The following PPP1R9A variants were observed in gnomAD, a reference collection of about 807,000 sequenced individuals.
PPP1R9A encodes the protein protein phosphatase 1 regulatory subunit 9A.
In PPP1R9A, 59 loss-of-function variants were observed where a neutral mutation model predicts 141.9. The ratio of observed to expected loss-of-function variants is 0.42; its 90% CI spans 0.34 to 0.52. PPP1R9A has a LOEUF of 0.52. Ranked by LOEUF, PPP1R9A falls within the 20% of genes least tolerant of loss-of-function variation. The pLI is 0.10. For synonymous variants in PPP1R9A, 500 were observed against 569.7 expected, an observed-to-expected ratio of 0.88 and a Z score of 1.74; for missense variants, 1,444 against 1,611.9, an observed-to-expected ratio of 0.90 and a Z score of 1.78.
intron 8 of PPP1R9A, among the ~76,000 whole-genome samples, chr7:95,245,054 A>G (rs577072199): frequency 2.6e-5 from 4 of 152,312 alleles, no homozygotes; most frequent in Middle Eastern, 3.4e-3. Flanking sequence ...AACAAGAAGT[A>G]TATCTTGTCA....
At chr7:95,112,930 G>T (rs772573311) in intron 3 of PPP1R9A, among the ~76,000 whole-genome samples, 1 of 152,070 alleles carries the variant, frequency 6.6e-6, no homozygotes, top group Non-Finnish European at 1.5e-5. Flanking sequence ...AAAAGTTTAC[G>T]AGGGTGGGAG....
At chr7:95,103,100 ACATTAGTT>A (rs1819003720) in intron 2 of PPP1R9A, among the ~76,000 whole-genome samples, 1 of 152,154 alleles carries the variant, frequency 6.6e-6, no homozygotes, top group African/African-American at 2.4e-5. Context: ...TTGAACTGCA[ACATTAGTT>A]CTTTCCTGGG....
chr7:95,284,787 T>C (rs983944005), intron 17 of PPP1R9A, among the ~76,000 whole-genome samples: 3 of 152,210 alleles, frequency 2.0e-5, no homozygotes, highest in Admixed American at 2.0e-4. Flanking sequence ...TTAGGAAATA[T>C]ATGCATGGGT....
At chr7:95,168,322 G>A (rs1372414010) in intron 5 of PPP1R9A, among the ~76,000 whole-genome samples, 1 of 151,930 alleles carries the variant, frequency 6.6e-6, no homozygotes, top group Non-Finnish European at 1.5e-5. Flanking sequence ...AATCATGCTG[G>A]GAAAATTGCT....
chr7:95,025,076 C>CTT (rs879530822), intron 2 of PPP1R9A, among the ~76,000 whole-genome samples: 1 of 145,028 alleles, frequency 6.9e-6, no homozygotes, highest in African/African-American at 2.5e-5. Flanking sequence ...GTTGAAAATC[C>CTT]TTTTTTTTTT....
At chr7:94,939,725 C>T (rs1196330398) in intron 2 of PPP1R9A, among the ~76,000 whole-genome samples, 1 of 151,310 alleles carries the variant, frequency 6.6e-6, no homozygotes, top group East Asian at 1.9e-4. Context: ...TACCATGTGT[C>T]CCATCCCAGA....
chr7:95,016,504 A>T (rs1263071475), intron 2 of PPP1R9A, among the ~76,000 whole-genome samples: 6 of 152,150 alleles, frequency 3.9e-5, no homozygotes, highest in Non-Finnish European at 5.9e-5. Flanking sequence ...ATATAAAAGG[A>T]TAATACATGC....
At chr7:95,172,156 T>G (rs1405045219) in intron 5 of PPP1R9A, among the ~76,000 whole-genome samples, 1 of 151,658 alleles carries the variant, frequency 6.6e-6, no homozygotes, top group Non-Finnish European at 1.5e-5. Flanking sequence ...TTCTTAATGG[T>G]GAAAGACCTA....
Position 94,994,546 on chromosome 7 carries a change from G to A in PPP1R9A, c.1395+83038G>A, listed in dbSNP as rs111309335. On this transcript the variant is annotated intron_variant, in intron 2 of 19. Coordinates refer to ENST00000433360, the MANE Select transcript of PPP1R9A (RefSeq NM_001166160.2). ...TTTGTTAAATAGAGAGTTTTTATTA[G>A]GAATAATGTTAGATTTTTAAGTTAT... is the stretch of plus-strand genomic sequence containing the variant. 7.2e-3 allele frequency among the ~76,000 whole-genome samples: 1,093 copies of A among 152,140 alleles called. 10 individuals are homozygous for A. Among genetic ancestry groups the A allele is most frequent in the African/African-American group, 0.025 (1,028 of 41,504 alleles).
intron 2 of PPP1R9A, among the ~76,000 whole-genome samples, chr7:95,041,117 G>A (rs529348576): frequency 1.2e-3 from 177 of 152,276 alleles, no homozygotes; most frequent in Middle Eastern, 3.4e-3. Context: ...AAGGAAGAAC[G>A]TGAACATTTG....
intron 2 of PPP1R9A, among the ~76,000 whole-genome samples, chr7:95,065,758 T>C (rs1277062621): frequency 6.6e-6 from 1 of 152,186 alleles, no homozygotes; most frequent in Non-Finnish European, 1.5e-5. Context: ...CATAGTGATA[T>C]CACTCCCACA....
At position 95,074,054 on chromosome 7, in the gene PPP1R9A, G is replaced by T. The variant is rs146815466; in HGVS notation, c.1396-37205G>T. 2.2e-3 allele frequency among the ~76,000 whole-genome samples: 328 copies of T among 152,286 alleles called. 1 individual carries two copies. The highest frequency in any genetic ancestry group is 7.3e-3 in the African/African-American group (304 of 41,556). On this transcript the variant is annotated intron_variant, in intron 2 of 19. Transcript: ENST00000433360. ...GAACCCCAATTCCCACGTTTACTATGTGTGACATCTTGGGAAAGTTATTTC... is the reference window on the plus strand; with the variant it reads ...GAACCCCAATTCCCACGTTTACTATTTGTGACATCTTGGGAAAGTTATTTC...
intron 2 of PPP1R9A, among the ~76,000 whole-genome samples, chr7:95,029,582 A>G (rs957419836): frequency 7.9e-5 from 12 of 152,202 alleles, no homozygotes; most frequent in African/African-American, 2.9e-4. Flanking sequence ...ATTACAGAAG[A>G]CAACTTGTGT....
intron 2 of PPP1R9A, among the ~76,000 whole-genome samples, chr7:94,950,867 C>T (rs555983231): frequency 6.6e-6 from 1 of 152,242 alleles, no homozygotes; most frequent in Admixed American, 6.5e-5. Flanking sequence ...CCACCTCAGC[C>T]TCCCCTAGTA....
intron 2 of PPP1R9A, among the ~76,000 whole-genome samples, chr7:95,070,593 GTATATATA>G (rs71961632): frequency 1.3e-4 from 15 of 111,940 alleles, no homozygotes; most frequent in Admixed American, 3.6e-4. Flanking sequence ...TAAATCTCTG[GTATATATA>G]TATATATATA....
chr7:95,272,879 A>G (rs1458125877), intron 14 of PPP1R9A, among the ~76,000 whole-genome samples: 1 of 152,228 alleles, frequency 6.6e-6, no homozygotes, highest in East Asian at 1.9e-4. Context: ...TAAGAGACAG[A>G]AAAACAGATA....
In PPP1R9A at chr7:95,142,686, A is replaced by G. The variant is rs117163676; in HGVS notation, c.1650-19181A>G. Reference sequence around the variant, plus strand: ...GATCATAAATATAAGTGTTTATTATATGGACAAGATTAATTTTTTTAATGA... The same window carrying G: ...GATCATAAATATAAGTGTTTATTATGTGGACAAGATTAATTTTTTTAATGA... On this transcript the variant is annotated intron_variant, in intron 4 of 19. Transcript: ENST00000433360. Among the ~76,000 whole-genome samples, 64 of 152,188 alleles carry G rather than the reference A, an allele frequency of 4.2e-4. No homozygotes were observed. The East Asian group carries it at 6.9e-3, about 17-fold the overall frequency.
chr7:95,101,591 G>A (rs1377329207), intron 2 of PPP1R9A, among the ~76,000 whole-genome samples: 8 of 152,094 alleles, frequency 5.3e-5, no homozygotes, highest in Non-Finnish European at 8.8e-5. Context: ...ACCCATTGGC[G>A]AGAATTATTT....
At chr7:94,917,642 A>T (rs1181949245) in intron 2 of PPP1R9A, among the ~76,000 whole-genome samples, 1 of 151,340 alleles carries the variant, frequency 6.6e-6, no homozygotes, top group Non-Finnish European at 1.5e-5. Context: ...TCCTGGGTTC[A>T]AGCGACCCTC....
Sources: allele counts gnomAD v4.1 joint callset (sites outside exome capture counted in the v4.1 genomes callset), GRCh38; gene constraint gnomAD v4.1.1; transcripts MANE v1.5; gene names NCBI Gene and HGNC (gene_info 2026-07-23, HGNC 2026-07-21).